The following PLCH1 variants were observed in gnomAD, a reference collection of about 807,000 sequenced individuals.
PLCH1 encodes the protein phospholipase C eta 1.
A neutral mutation model predicts 126.7 loss-of-function variants in PLCH1; 60 were observed. That is an observed-to-expected ratio of 0.47 (90% confidence interval 0.38 to 0.59). The LOEUF (loss-of-function observed/expected upper bound fraction) is 0.59. Among genes scored for constraint, PLCH1 ranks in the 20% least tolerant of loss-of-function variants. The pLI, the probability that PLCH1 is intolerant of heterozygous loss-of-function variation, is 0.00. For synonymous variants in PLCH1, 719 were observed against 734.9 expected (o/e 0.98, Z 0.35); for missense variants, 1,723 against 2,040.0 (o/e 0.84, Z 2.99).
At chr3:155,710,970 C>T (rs1245288237) in intron 1 of PLCH1, among the ~76,000 whole-genome samples, 3 of 136,130 alleles carry the variant, frequency 2.2e-5, no homozygotes, top group Non-Finnish European at 4.8e-5. Flanking sequence ...GCACTGTGGT[C>T]TTTTTTTTTT....
At chr3:155,542,074 G>A (rs555652546) in intron 10 of PLCH1, among the ~76,000 whole-genome samples, 4 of 152,346 alleles carry the variant, frequency 2.6e-5, no homozygotes, top group East Asian at 3.9e-4. Context: ...AGCCGAAGCA[G>A]GGCAAGGCAT....
At chr3:155,629,536 A>G (rs1737769113) in intron 2 of PLCH1, among the ~76,000 whole-genome samples, 1 of 152,114 alleles carries the variant, frequency 6.6e-6, no homozygotes, top group Admixed American at 6.5e-5. Context: ...GCATCCCCTA[A>G]TTATTTAAAA....
chr3:155,543,982 A>G (rs1401074201), intron 10 of PLCH1, among the ~76,000 whole-genome samples: 1 of 151,966 alleles, frequency 6.6e-6, no homozygotes, highest in African/African-American at 2.4e-5. Context: ...TGCATCAACT[A>G]ACGAGCAAAT....
intron 8 of PLCH1, among the ~76,000 whole-genome samples, chr3:155,558,291 G>A (rs543722006): frequency 7.9e-5 from 12 of 152,222 alleles, no homozygotes; most frequent in African/African-American, 2.6e-4. Flanking sequence ...ACCCATGACC[G>A]GCTACATTCT....
At chr3:155,542,703 A>C (rs570873817) in intron 10 of PLCH1, among the ~76,000 whole-genome samples, 2 of 152,312 alleles carry the variant, frequency 1.3e-5, no homozygotes, top group African/African-American at 4.8e-5. Context: ...CCAGAGAAAC[A>C]ACCAGACAGC....
intron 12 of PLCH1, among the ~76,000 whole-genome samples, chr3:155,513,165 C>T (rs1291264729): frequency 6.6e-6 from 1 of 152,176 alleles, no homozygotes; most frequent in African/African-American, 2.4e-5. Flanking sequence ...GGATTTAAAC[C>T]GACATATGTA....
At chr3:155,556,425 G>A (rs1271233287) in intron 8 of PLCH1, among the ~76,000 whole-genome samples, 1 of 152,192 alleles carries the variant, frequency 6.6e-6, no homozygotes, top group East Asian at 1.9e-4. Context: ...TATTTTAGTA[G>A]CACCTTCCCC....
chr3:155,667,880 C>A (rs1375176137), intron 2 of PLCH1, among the ~76,000 whole-genome samples: 8 of 111,756 alleles, frequency 7.2e-5, no homozygotes. Context: ...GCCTGGCCAA[C>A]ATGGCGAAAC....
At chr3:155,505,143 A>G (rs551716462) in intron 12 of PLCH1, among the ~76,000 whole-genome samples, 1 of 152,352 alleles carries the variant, frequency 6.6e-6, no homozygotes, top group Non-Finnish European at 1.5e-5. Flanking sequence ...ATCCAAGGAT[A>G]TCTATGAGAT....
At chr3:155,572,610 G>A (rs911948749) in intron 6 of PLCH1, among the ~76,000 whole-genome samples, 1 of 151,832 alleles carries the variant, frequency 6.6e-6, no homozygotes, top group African/African-American at 2.4e-5. Context: ...TTATTTATTT[G>A]ATAAGTTTCT....
intron 2 of PLCH1, among the ~76,000 whole-genome samples, chr3:155,623,459 G>A (rs1260726804): frequency 6.6e-6 from 1 of 152,056 alleles, no homozygotes; most frequent in Non-Finnish European, 1.5e-5. Flanking sequence ...AAAAACCAAT[G>A]AATCCAGGAG....
intron 2 of PLCH1, among the ~76,000 whole-genome samples, chr3:155,671,929 CTG>C (rs1255195077): frequency 1.3e-5 from 2 of 152,152 alleles, no homozygotes; most frequent in African/African-American, 4.8e-5. Flanking sequence ...TGAGAAAAAA[CTG>C]TATTTTTCGT....
At chr3:155,725,511 G>A (rs531583834) in intron 1 of PLCH1, among the ~76,000 whole-genome samples, 7 of 149,446 alleles carry the variant, frequency 4.7e-5, no homozygotes, top group South Asian at 4.2e-4. Flanking sequence ...ACGATAGTGC[G>A]ATCTCAGCTC....
chr3:155,511,807 T>C (rs1233706911), intron 12 of PLCH1, among the ~76,000 whole-genome samples: 2 of 151,232 alleles, frequency 1.3e-5, no homozygotes, highest in Admixed American at 6.6e-5. Flanking sequence ...GTCTGTTTGT[T>C]TGTCTGTGCC....
chr3:155,494,571 C>T (rs908024281), intron 15 of PLCH1, 54 bp from the exon 16 acceptor site: 1 of 1,368,238 alleles, frequency 7.3e-7, no homozygotes. Flanking sequence ...AAAGAAAACA[C>T]CACGCACAGA....
At chr3:155,593,851 T>C in intron 4 of PLCH1, 90 bp downstream of exon 4, 1 of 1,326,698 alleles carries the variant, frequency 7.5e-7, no homozygotes. Flanking sequence ...TGGGAAAAAT[T>C]AAAACATAGT....
intron 1 of PLCH1, among the ~76,000 whole-genome samples, chr3:155,737,183 G>C (rs1749254752): frequency 7.9e-6 from 1 of 126,746 alleles, no homozygotes; most frequent in Non-Finnish European, 1.6e-5. Flanking sequence ...AGTGAGCCGA[G>C]ATCACGCCAC....
intron 1 of PLCH1, among the ~76,000 whole-genome samples, chr3:155,732,877 CAAAAAAAAA>C (rs71155063): frequency 1.2e-5 from 1 of 80,256 alleles, no homozygotes. Context: ...GACTGCATCT[CAAAAAAAAA>C]AAAAAAAAAA....
At chr3:155,489,247 A>T (rs1440320076) in intron 19 of PLCH1, among the ~76,000 whole-genome samples, 1 of 152,198 alleles carries the variant, frequency 6.6e-6, no homozygotes, top group Non-Finnish European at 1.5e-5. Flanking sequence ...TATAAGGTGC[A>T]TTTGCAGGTT....
Sources: allele counts gnomAD v4.1 joint callset (sites outside exome capture counted in the v4.1 genomes callset), GRCh38; gene constraint gnomAD v4.1.1; transcripts MANE v1.5; gene names NCBI Gene and HGNC (gene_info 2026-07-23, HGNC 2026-07-21).